GNG2: variants seen among roughly 807,000 people sequenced by gnomAD.
GNG2 encodes G protein subunit gamma 2, also known as guanine nucleotide-binding protein G(I)/G(S)/G(O) subunit gamma-2.
A neutral mutation model predicts 5.5 loss-of-function variants in GNG2; 5 were observed. The ratio of observed to expected loss-of-function variants is 0.91; its 90% CI spans 0.48 to 1.92. The LOEUF (loss-of-function observed/expected upper bound fraction) is 1.92, where lower values mean the gene tolerates loss of function less well. GNG2 is among the 30% of genes most tolerant of loss of function. The probability of loss-of-function intolerance (pLI) is 0.01; values close to 1 mark genes in which losing one functional copy is unlikely to be tolerated. For missense variants in GNG2, 55 were observed against 88.4 expected (o/e 0.62, Z 1.52); for synonymous variants, 28 against 32.0 (o/e 0.88, Z 0.42).
At chr14:51,907,030 CAG>C (rs1329915787) in intron 2 of GNG2, among the ~76,000 whole-genome samples, 1 of 152,152 alleles carries the variant, frequency 6.6e-6, no homozygotes, top group African/African-American at 2.4e-5. Context: ...GCTGGGATTA[CAG>C]GCATGAGCCA....
chr14:51,904,516 G>T (rs1436959952), intron 2 of GNG2, among the ~76,000 whole-genome samples: 2 of 152,172 alleles, frequency 1.3e-5, no homozygotes, highest in African/African-American at 4.8e-5. Context: ...GGGATGAACT[G>T]CCCTGGCCCA....
chr14:51,903,571 A>T (rs533066969), intron 2 of GNG2, among the ~76,000 whole-genome samples: 8 of 152,248 alleles, frequency 5.3e-5, no homozygotes, highest in Admixed American at 3.3e-4. Context: ...GTATTATTTT[A>T]AAAAAATACT....
chr14:51,922,317 A>G (rs1055420747), intron 2 of GNG2, among the ~76,000 whole-genome samples: 5 of 152,250 alleles, frequency 3.3e-5, no homozygotes, highest in African/African-American at 4.8e-5. Context: ...TAAAAGGAAA[A>G]GGAGAAGAAG....
chr14:51,914,281 T>C (rs1275301683), intron 2 of GNG2: 1 of 702,238 alleles, frequency 1.4e-6, no homozygotes, highest in East Asian at 2.7e-5. Flanking sequence ...CAAGGTAGAA[T>C]GGAAAAGGAC....
rs528828380 is a variant in GNG2, at chr14:51,900,850, T to A, written c.-30+23193T>A. On this transcript the variant is annotated intron_variant, in intron 2 of 3. Transcript: ENST00000556766. ...GATTGAATAAAAGTAATGGTGTAAA[T>A]GTATCCATCCTTTATATGCTTTCAT... is the stretch of plus-strand genomic sequence containing the variant. 5.7e-4 allele frequency among the ~76,000 whole-genome samples: 87 copies of A among 152,230 alleles called. 1 individual carries two copies. The highest frequency in any genetic ancestry group is 1.7e-3 in the Admixed American group (26 of 15,296).
At chr14:51,852,794 G>T (rs534169372) in intron 2 of GNG2, among the ~76,000 whole-genome samples, 109 of 152,358 alleles carry the variant, frequency 7.2e-4, no homozygotes, top group African/African-American at 2.4e-3. Context: ...TTCATGAGAA[G>T]TGTTTTGCAT....
intron 2 of GNG2, among the ~76,000 whole-genome samples, chr14:51,878,601 C>T (rs1883835690): frequency 6.6e-6 from 1 of 152,146 alleles, no homozygotes; most frequent in East Asian, 1.9e-4. Context: ...TCCATTTACG[C>T]ATTCAGCAGG....
intron 2 of GNG2, among the ~76,000 whole-genome samples, chr14:51,846,199 C>T (rs1881621605): frequency 6.6e-6 from 1 of 152,176 alleles, no homozygotes. Flanking sequence ...CAGATATAAT[C>T]ATGAAAAATC....
At chr14:51,885,562 C>G (rs899095099) in intron 2 of GNG2, among the ~76,000 whole-genome samples, 2 of 151,680 alleles carry the variant, frequency 1.3e-5, no homozygotes, top group Non-Finnish European at 2.9e-5. Context: ...CAGTGGGTTT[C>G]TGTTTTCTAT....
At position 51,886,489 on chromosome 14, in the gene GNG2, G is replaced by C. The variant is rs148013210; in HGVS notation, c.-30+8832G>C. Among the ~76,000 whole-genome samples, 18 of 152,308 alleles carry C rather than the reference G, an allele frequency of 1.2e-4. No homozygotes were observed. In the East Asian group the frequency reaches 2.5e-3, roughly 21 times the overall value. On this transcript the variant is annotated intron_variant, in intron 2 of 3. Coordinates refer to ENST00000556766, the MANE Select transcript of GNG2 (RefSeq NM_053064.5). Reference sequence around the variant, plus strand: ...CATACTCAGCCCTCAGAAAATGCCAGCTGTATTGGAAACAATTGGCATCCT... The same window carrying C: ...CATACTCAGCCCTCAGAAAATGCCACCTGTATTGGAAACAATTGGCATCCT...
At chr14:51,936,328 C>G (rs1476505980) in intron 2 of GNG2, among the ~76,000 whole-genome samples, 1 of 152,132 alleles carries the variant, frequency 6.6e-6, no homozygotes, top group Non-Finnish European at 1.5e-5. Context: ...ACAGCCTTTC[C>G]TTTCTTGGAA....
chr14:51,858,628 T>C (rs1042987644), upstream of GNG2, among the ~76,000 whole-genome samples: 3 of 152,192 alleles, frequency 2.0e-5, no homozygotes, highest in African/African-American at 7.2e-5. Context: ...AAATTAACCA[T>C]AGTCTTGTTT....
chr14:51,964,597 T>A (rs985037583), intron 3 of GNG2, among the ~76,000 whole-genome samples: 2 of 152,198 alleles, frequency 1.3e-5, no homozygotes, highest in African/African-American at 4.8e-5. Flanking sequence ...CTGTCCAGAA[T>A]GTTGCTTCTA....
At chr14:51,933,739 C>T (rs1323381078) in intron 2 of GNG2, among the ~76,000 whole-genome samples, 2 of 152,150 alleles carry the variant, frequency 1.3e-5, no homozygotes, top group South Asian at 2.1e-4. Flanking sequence ...AGAGCTTATG[C>T]AGACAGAAAT....
At chr14:51,882,722 A>G (rs776453421) in intron 2 of GNG2, among the ~76,000 whole-genome samples, 1 of 152,216 alleles carries the variant, frequency 6.6e-6, no homozygotes, top group Non-Finnish European at 1.5e-5. Flanking sequence ...TTAATAGCCT[A>G]TAGTAGCAGA....
chr14:51,956,028 G>T (rs765903715), intron 3 of GNG2, among the ~76,000 whole-genome samples: 3 of 152,150 alleles, frequency 2.0e-5, no homozygotes, highest in Non-Finnish European at 2.9e-5. Context: ...GACATTTTAA[G>T]TATTTTTCCA....
intron 2 of GNG2, among the ~76,000 whole-genome samples, chr14:51,848,545 T>C (rs2748142): frequency 0.72 from 109,072 of 152,100 alleles, 41,140 homozygotes; most frequent in East Asian, 0.97. Flanking sequence ...GAAATATTCT[T>C]CCCTAGATGT....
intron 2 of GNG2, among the ~76,000 whole-genome samples, chr14:51,949,036 G>A (rs577841096): frequency 8.8e-4 from 134 of 151,732 alleles, no homozygotes; most frequent in Non-Finnish European, 1.2e-3. Flanking sequence ...CAGGAGAATG[G>A]CATGAACCTG....
intron 2 of GNG2, among the ~76,000 whole-genome samples, chr14:51,905,536 A>T (rs1400778367): frequency 6.6e-6 from 1 of 152,248 alleles, no homozygotes; most frequent in Non-Finnish European, 1.5e-5. Context: ...TAGGCACCTT[A>T]GATCCACCTT....
Sources: allele counts gnomAD v4.1 joint callset (sites outside exome capture counted in the v4.1 genomes callset), GRCh38; gene constraint gnomAD v4.1.1; transcripts MANE v1.5; gene names NCBI Gene and HGNC (gene_info 2026-07-23, HGNC 2026-07-21).